Variants in CCNI observed in about 807,000 individuals in gnomAD.
The protein encoded by CCNI is cyclin-I.
A neutral mutation model predicts 34.1 loss-of-function variants in CCNI; 14 were observed. The ratio of observed to expected loss-of-function variants is 0.41; its 90% confidence interval spans 0.27 to 0.64. The LOEUF (loss-of-function observed/expected upper bound fraction) is 0.64. Among genes scored for constraint, CCNI ranks in the 30% least tolerant of loss-of-function variants. The probability of loss-of-function intolerance (pLI) is 0.31; values close to 1 mark genes in which losing one functional copy is unlikely to be tolerated. For missense variants in CCNI, 385 were observed against 440.5 expected, an observed-to-expected ratio of 0.87 and a Z score of 1.13; for synonymous variants, 154 against 158.4, an observed-to-expected ratio of 0.97 and a Z score of 0.21.
At chr4:77,067,916 A>G (rs1729174013) in intron 1 of CCNI, among the ~76,000 whole-genome samples, 1 of 151,442 alleles carries the variant, frequency 6.6e-6, no homozygotes, top group South Asian at 2.1e-4. Context: ...GGTGGCTCAC[A>G]CCTGTAATCC....
In CCNI at chr4:77,048,181, C is replaced by G. The variant is rs1329517537; in HGVS notation, c.*38G>C. ...TGCATGTTCTCATTCCCAAAGTAGT[C>G]TACCTTAGTTTACACTCAAAGGTAG... is the stretch of plus-strand genomic sequence containing the variant. On this transcript the variant is annotated 3_prime_UTR_variant, in exon 7 of 7. Coordinates refer to ENST00000237654, the MANE Select transcript of CCNI (RefSeq NM_006835.3). 1.3e-6 allele frequency: 2 copies of G among 1,527,024 alleles called. No individual in the cohort carries two copies. The allele number at this position is 1,527,024 out of a possible 1,614,324, so 94.6% of individuals were successfully genotyped here.
chr4:77,065,014 G>A (rs1166963055), intron 2 of CCNI: 1 of 152,134 alleles, frequency 6.6e-6, no homozygotes, highest in Non-Finnish European at 1.5e-5. Context: ...AAAGTCTTGA[G>A]CAAATTGGGA....
At position 77,075,608 on chromosome 4, in the gene CCNI, C is replaced by A. The variant is rs1192928058; in HGVS notation, c.-180G>T. 2 of 982,902 alleles carry A rather than the reference C, an allele frequency of 2.0e-6. No homozygotes were observed. Among genetic ancestry groups the A allele is most frequent in the East Asian group, 2.3e-4 (2 of 8,758 alleles). The allele number at this position is 982,902 out of a possible 1,614,324, so 60.9% of individuals were successfully genotyped here. A position where few individuals can be genotyped will look rare whatever the true frequency, so the allele number is the denominator to read the frequency against. ...AGGCGGTGCGCGCGGGACGACTCGGCCAACTGAGGAGGGAGAAAGGGGAAG... is the reference window on the plus strand; with the variant it reads ...AGGCGGTGCGCGCGGGACGACTCGGACAACTGAGGAGGGAGAAAGGGGAAG... On this transcript the variant is annotated 5_prime_UTR_variant, in exon 1 of 7. Transcript: ENST00000237654.
chr4:77,057,763 C>A (rs1482387027), intron 3 of CCNI, among the ~76,000 whole-genome samples: 1 of 152,108 alleles, frequency 6.6e-6, no homozygotes, highest in Non-Finnish European at 1.5e-5. Flanking sequence ...TGTTATATAC[C>A]AAAGTAAGCC....
chr4:77,069,363 C>A (rs895102877), intron 1 of CCNI, among the ~76,000 whole-genome samples: 1 of 152,100 alleles, frequency 6.6e-6, no homozygotes, highest in Non-Finnish European at 1.5e-5. Context: ...CCAGCCCCAG[C>A]AACAGAATGA....
At chr4:77,058,475 G>C (rs749948468) in intron 3 of CCNI, 32 bp downstream of exon 3, 11 of 1,574,260 alleles carry the variant, frequency 7.0e-6, no homozygotes, top group Non-Finnish European at 8.7e-7. Context: ...ACTCAAATGA[G>C]GTTATATGTA....
At chr4:77,062,545 G>A (rs904872145) in intron 2 of CCNI, among the ~76,000 whole-genome samples, 24 of 150,932 alleles carry the variant, frequency 1.6e-4, no homozygotes, top group African/African-American at 3.2e-4. Context: ...GGGCAACAGA[G>A]CAAGACCCTG....
rs372298005 is a variant in CCNI at position 77,048,011 on chromosome 4, CTTTTT to C, written c.*203_*207del. 1.3e-5 allele frequency: 4 copies of C among 316,772 alleles called. No individual in the cohort carries two copies. Among genetic ancestry groups the C allele is most frequent in the African/African-American group, 7.9e-5 (3 of 37,950 alleles). 19.6% of individuals were successfully genotyped at this position (316,772 alleles called of 1,614,324 possible). A position where few individuals can be genotyped will look rare whatever the true frequency, so the allele number is the denominator to read the frequency against. On this transcript the variant is annotated 3_prime_UTR_variant, in exon 7 of 7. Coordinates refer to ENST00000237654, the MANE Select transcript of CCNI (RefSeq NM_006835.3). ...AAAAAAGTTTGGATCTTTTGGATTTCTTTTTTTTTTTTTTGGTCTTTATGTGCTTA... is the reference window on the plus strand; with the variant it reads ...AAAAAAGTTTGGATCTTTTGGATTTCTTTTTTTTTGGTCTTTATGTGCTTA...
chr4:77,069,016 GAACT>G (rs1309904175), intron 1 of CCNI, among the ~76,000 whole-genome samples: 4 of 152,160 alleles, frequency 2.6e-5, no homozygotes, highest in Admixed American at 6.5e-5. Flanking sequence ...AGAGGAAAAA[GAACT>G]AATATTAATC....
chr4:77,047,862 A>G lies in CCNI; in HGVS notation c.*357T>C, dbSNP rs1727533568. The G allele has an allele frequency of 5.6e-6, 1 of 179,696 alleles. No homozygotes were observed. Among genetic ancestry groups the G allele is most frequent in the Non-Finnish European group, 1.2e-5 (1 of 84,336 alleles). The allele number at this position is 179,696 out of a possible 1,614,324, so 11.1% of individuals were successfully genotyped here. A position where few individuals can be genotyped will look rare whatever the true frequency, so the allele number is the denominator to read the frequency against. ...AAAGCAACAGGAAAATTAAATCAGG[A>G]TGCTGAGGGGGAACAGGATTGCTGG... On this transcript the variant is annotated 3_prime_UTR_variant, in exon 7 of 7. Coordinates refer to ENST00000237654, the MANE Select transcript of CCNI (RefSeq NM_006835.3).
chr4:77,066,150 G>T, intron 2 of CCNI, 99 bp downstream of exon 2: 1 of 962,500 alleles, frequency 1.0e-6, no homozygotes, highest in Non-Finnish European at 1.6e-6. Flanking sequence ...TCCTTAAATG[G>T]TACACACTCC....
chr4:77,067,816 AAAAG>A (rs555876643), intron 1 of CCNI, among the ~76,000 whole-genome samples: 2,503 of 136,310 alleles, frequency 0.018, 66 homozygotes, highest in Non-Finnish European at 0.03. Context: ...AAAAAAAAAA[AAAAG>A]AAGCAAACTA....
intron 1 of CCNI, among the ~76,000 whole-genome samples, chr4:77,071,756 C>A (rs4252797): frequency 0.11 from 16,034 of 152,030 alleles, 1,079 homozygotes; most frequent in African/African-American, 0.18. Context: ...ATGAAATGGT[C>A]CAGTTCCCAG....
rs1218607397 is a variant in CCNI at position 77,047,909 on chromosome 4, T to C, written c.*310A>G. On this transcript the variant is annotated 3_prime_UTR_variant, in exon 7 of 7. Coordinates refer to ENST00000237654, the MANE Select transcript of CCNI (RefSeq NM_006835.3). Reference sequence around the variant, plus strand: ...CTGGCCATGAATTTTAATTGAATTTTTGACGGGGCAAGCTACGTTACATTA... The same window carrying C: ...CTGGCCATGAATTTTAATTGAATTTCTGACGGGGCAAGCTACGTTACATTA... The C allele has an allele frequency of 1.4e-5, 3 of 211,932 alleles. No homozygotes were observed. The highest frequency in any genetic ancestry group is 2.3e-5 in the African/African-American group (1 of 43,356). The allele number at this position is 211,932 out of a possible 1,614,324, so 13.1% of individuals were successfully genotyped here.
In CCNI at chr4:77,048,202, G is replaced by C. The variant is rs1329853230; in HGVS notation, c.*17C>G. On this transcript the variant is annotated 3_prime_UTR_variant, in exon 7 of 7. Transcript: ENST00000237654. Reference sequence around the variant, plus strand: ...TAGTCTACCTTAGTTTACACTCAAAGGTAGCACTTGTTGAAACTACATGAC... The same window carrying C: ...TAGTCTACCTTAGTTTACACTCAAACGTAGCACTTGTTGAAACTACATGAC... The C allele has an allele frequency of 2.5e-6, 4 of 1,600,212 alleles. No homozygotes were observed. Among genetic ancestry groups the C allele is most frequent in the Non-Finnish European group, 3.4e-6 (4 of 1,171,046 alleles).
At chr4:77,061,123 T>G (rs183305999) in intron 2 of CCNI, among the ~76,000 whole-genome samples, 3 of 152,314 alleles carry the variant, frequency 2.0e-5, no homozygotes. Context: ...GCCAATGTTA[T>G]CATCACTAGC....
chr4:77,057,758 T>C (rs921677231), intron 3 of CCNI, among the ~76,000 whole-genome samples: 2 of 152,218 alleles, frequency 1.3e-5, no homozygotes, highest in African/African-American at 2.4e-5. Context: ...CATCTTGTTA[T>C]ATACCAAAGT....
chr4:77,056,592 T>A, intron 3 of CCNI: 1 of 246,866 alleles, frequency 4.1e-6, no homozygotes, highest in Non-Finnish European at 7.7e-6. Flanking sequence ...CTAACTTTTT[T>A]TTTTTTTTTT....
At chr4:77,056,189 G>A (rs944228421) in intron 4 of CCNI, 60 bp downstream of exon 4, 4 of 1,592,192 alleles carry the variant, frequency 2.5e-6, no homozygotes, top group Middle Eastern at 1.7e-4. Flanking sequence ...AACGAAGCAA[G>A]TTAATAAATG....
Sources: gnomAD v4.1 joint callset for allele counts (sites outside exome capture counted in the v4.1 genomes callset) on GRCh38, gnomAD v4.1.1 for gene constraint, MANE v1.5 for transcripts, NCBI Gene and HGNC (gene_info 2026-07-23, HGNC 2026-07-21) for gene names.